Variants in ZNF695 observed in about 807,000 individuals in gnomAD.
The protein encoded by ZNF695 is zinc finger protein SBZF3.
In ZNF695, 11 loss-of-function variants were observed where a neutral mutation model predicts 11.2. That is an observed-to-expected ratio of 0.98 (90% CI 0.62 to 1.62). The LOEUF (loss-of-function observed/expected upper bound fraction) is 1.62. Ranked by LOEUF, ZNF695 falls within the 40% of genes most tolerant of loss-of-function variation. The pLI is 0.00. For synonymous variants in ZNF695, 190 were observed against 201.4 expected (o/e 0.94, Z 0.48); for missense variants, 559 against 590.5 (o/e 0.95, Z 0.55).
At chr1:246,956,947 T>C (rs1279427290) in intron 5 of ZNF695, among the ~76,000 whole-genome samples, 1 of 152,172 alleles carries the variant, frequency 6.6e-6, no homozygotes, top group East Asian at 1.9e-4. Context: ...GGTATCATGA[T>C]ATGTGAAATG....
intron 5 of ZNF695, among the ~76,000 whole-genome samples, chr1:246,959,936 T>C (rs1305299696): frequency 2.6e-5 from 4 of 152,210 alleles, no homozygotes; most frequent in African/African-American, 2.4e-5. Context: ...TCCGTAGCAA[T>C]GTATGAGTTT....
rs1486471835 is a variant in ZNF695 at position 246,989,133 on chromosome 1, C to T, written c.260-878G>A. Among the ~76,000 whole-genome samples, 9 of 148,554 alleles carry T rather than the reference C, an allele frequency of 6.1e-5. No individual in the cohort carries two copies. The South Asian group carries it at 1.1e-3, about 17-fold the overall frequency. On this transcript the variant is annotated intron_variant, in intron 3 of 3. Transcript: ENST00000339986. ...AAACGACATTAATTGGGCGTGGTGG[C>T]GCATGCCTGTAATCCTAGCTACTCG...
At chr1:246,960,629 T>C (rs1184846285) in intron 5 of ZNF695, among the ~76,000 whole-genome samples, 3 of 152,190 alleles carry the variant, frequency 2.0e-5, no homozygotes, top group African/African-American at 7.2e-5. Flanking sequence ...TAGTTCAAGA[T>C]AGCTATCTAT....
intron 1 of ZNF695, among the ~76,000 whole-genome samples, chr1:247,005,216 T>C (rs1414742702): frequency 6.6e-6 from 1 of 152,096 alleles, no homozygotes; most frequent in Non-Finnish European, 1.5e-5. Flanking sequence ...AAAAACAGCA[T>C]GGTACTAGCA....
intron 5 of ZNF695, among the ~76,000 whole-genome samples, chr1:246,956,287 C>T (rs954799558): frequency 3.3e-5 from 5 of 151,088 alleles, no homozygotes; most frequent in East Asian, 2.0e-4. Context: ...TGTGCCCGGC[C>T]GATTGGATCA....
downstream of ZNF695, among the ~76,000 whole-genome samples, chr1:246,984,279 T>TAAA (rs1558313783): frequency 1.6e-5 from 2 of 125,506 alleles, no homozygotes; most frequent in Non-Finnish European, 3.5e-5. Flanking sequence ...AACACAGGTT[T>TAAA]TAAAAAAAAA....
chr1:247,005,358 TG>T (rs1669501711), intron 1 of ZNF695, among the ~76,000 whole-genome samples: 2 of 152,110 alleles, frequency 1.3e-5, no homozygotes, highest in African/African-American at 2.4e-5. Flanking sequence ...CTCAATAAGT[TG>T]TGCTGGGAAA....
At chr1:246,988,306 T>TAG (rs1668917853) in intron 3 of ZNF695, 51 bp from the exon 4 acceptor site, 6 of 1,384,798 alleles carry the variant, frequency 4.3e-6, no homozygotes, top group African/African-American at 1.4e-5. Context: ...TAGCATCCTT[T>TAG]ACAAATCTAA....
At position 246,948,359 on chromosome 1, in the gene ZNF695, C is replaced by A. The variant is rs1667790555; in HGVS notation, c.489-2532G>T. Among the ~76,000 whole-genome samples, 2 of 152,292 alleles carry A rather than the reference C, an allele frequency of 1.3e-5. 1 individual carries two copies. The highest frequency in any genetic ancestry group is 4.8e-5 in the African/African-American group (2 of 41,550). ...AAAGTGCTGGGATTACAGGTGTGAG[C>A]CACCACGCCTGGCTGTAGTTGACCT... is the stretch of plus-strand genomic sequence containing the variant. On this transcript the variant is annotated intron_variant, in intron 5 of 5. Coordinates refer to the ZNF695 transcript ENST00000487338.
chr1:246,976,622 G>GTCTCTAC (rs1292017080), intron 4 of ZNF695, among the ~76,000 whole-genome samples: 2 of 151,440 alleles, frequency 1.3e-5, no homozygotes, highest in African/African-American at 4.9e-5. Flanking sequence ...GTGAAACCCC[G>GTCTCTAC]TCTCTACTAA....
intron 5 of ZNF695, among the ~76,000 whole-genome samples, chr1:246,952,224 T>C (rs974780694): frequency 1.3e-5 from 2 of 152,152 alleles, no homozygotes; most frequent in Non-Finnish European, 2.9e-5. Context: ...GCTGGGATTA[T>C]AGGCGTGAGC....
intron 5 of ZNF695, among the ~76,000 whole-genome samples, chr1:246,960,435 G>A (rs1343210475): frequency 1.3e-5 from 2 of 152,134 alleles, no homozygotes; most frequent in African/African-American, 2.4e-5. Flanking sequence ...TGTCATATAT[G>A]TAAAAGTAAA....
intron 5 of ZNF695, among the ~76,000 whole-genome samples, chr1:246,965,737 G>A (rs1172188566): frequency 1.3e-5 from 2 of 151,864 alleles, no homozygotes; most frequent in African/African-American, 4.8e-5. Context: ...CACCAGCCTG[G>A]GTGACAGTGC....
At chr1:246,957,122 C>T (rs1668020764) in intron 5 of ZNF695, among the ~76,000 whole-genome samples, 1 of 152,094 alleles carries the variant, frequency 6.6e-6, no homozygotes, top group Non-Finnish European at 1.5e-5. Context: ...GTGGCTCATG[C>T]CTGTAATCCC....
intron 5 of ZNF695, among the ~76,000 whole-genome samples, chr1:246,958,034 TTTTTGTTTTG>T (rs949851818): frequency 2.8e-4 from 41 of 148,666 alleles, no homozygotes; most frequent in Admixed American, 7.9e-4. Flanking sequence ...AGGGACTTGG[TTTTTGTTTTG>T]TTTTGTTTTG....
chr1:246,985,083 G>T (rs1668812866), downstream of ZNF695, among the ~76,000 whole-genome samples: 2 of 152,052 alleles, frequency 1.3e-5, no homozygotes, highest in Admixed American at 1.3e-4. Context: ...ATTATGTTTG[G>T]TTCCAACATT....
At chr1:246,974,175 C>CA (rs1668501825) in intron 4 of ZNF695, among the ~76,000 whole-genome samples, 3 of 147,126 alleles carry the variant, frequency 2.0e-5, no homozygotes, top group African/African-American at 7.6e-5. Context: ...AAAAAACAAA[C>CA]AAAAAACAAC....
At chr1:247,006,087 T>C (rs1245261101) in intron 1 of ZNF695, among the ~76,000 whole-genome samples, 1 of 151,674 alleles carries the variant, frequency 6.6e-6, no homozygotes, top group Non-Finnish European at 1.5e-5. Context: ...TAGCCAGGCA[T>C]AGTGGCACAC....
chr1:246,957,374 CTCCGTCTAAAAAAAAAAAAAAAGAAT>C (rs1322938366), intron 5 of ZNF695, among the ~76,000 whole-genome samples: 3 of 148,792 alleles, frequency 2.0e-5, no homozygotes, highest in African/African-American at 7.4e-5. Context: ...CACAGCGAAA[CTCCGTCTAAAAAAAAAAAAAAAGAAT>C]TGGGGAACAC....
Sources: allele counts gnomAD v4.1 joint callset (sites outside exome capture counted in the v4.1 genomes callset), GRCh38; gene constraint gnomAD v4.1.1; transcripts MANE v1.5; gene names NCBI Gene and HGNC (gene_info 2026-07-23, HGNC 2026-07-21).